Variants in HNF4G observed in about 807,000 individuals in gnomAD.
The protein encoded by HNF4G is hepatocyte nuclear factor 4-gamma.
Under a neutral mutation model 50.9 loss-of-function variants are expected in HNF4G, and 21 were observed. The ratio of observed to expected loss-of-function variants is 0.41; its 90% confidence interval spans 0.29 to 0.59. The LOEUF is 0.59. Among genes scored for constraint, HNF4G ranks in the 20% least tolerant of loss-of-function variants. HNF4G has a pLI of 0.26. For synonymous variants in HNF4G, 198 were observed against 185.6 expected, an observed-to-expected ratio of 1.07 and a Z score of -0.54; for missense variants, 527 against 559.4, an observed-to-expected ratio of 0.94 and a Z score of 0.58.
Position 75,438,536 on chromosome 8 carries a change from C to T in HNF4G, c.-144+30374C>T, listed in dbSNP as rs1028774466. On this transcript the variant is annotated intron_variant, in intron 1 of 10. Transcript: ENST00000354370. ...TCCTTTCTTTCCTCTCAATCTCCCTCCCTCTTTCTCTCTCTTCATCCCTCC... is the reference window on the plus strand; with the variant it reads ...TCCTTTCTTTCCTCTCAATCTCCCTTCCTCTTTCTCTCTCTTCATCCCTCC... Among the ~76,000 whole-genome samples, 21 of 152,124 alleles carry T rather than the reference C, an allele frequency of 1.4e-4. 1 individual carries two copies. Among genetic ancestry groups the T allele is most frequent in the African/African-American group, 4.6e-4 (19 of 41,540 alleles).
intron 1 of HNF4G, among the ~76,000 whole-genome samples, chr8:75,432,113 G>A (rs1010268718): frequency 6.6e-6 from 1 of 151,670 alleles, no homozygotes; most frequent in African/African-American, 2.4e-5. Context: ...AATTAGCCAG[G>A]CGTCATGATG....
intron 1 of HNF4G, among the ~76,000 whole-genome samples, chr8:75,433,019 G>A (rs955681321): frequency 2.0e-5 from 3 of 152,124 alleles, no homozygotes; most frequent in African/African-American, 7.2e-5. Flanking sequence ...TCGGATGTCT[G>A]TACTCCTGCT....
chr8:75,497,557 G>T (rs569755491), intron 2 of HNF4G, among the ~76,000 whole-genome samples: 1 of 151,806 alleles, frequency 6.6e-6, no homozygotes, highest in Non-Finnish European at 1.5e-5. Flanking sequence ...GGTGGCAGGC[G>T]CCTGTAATCC....
At position 75,539,914 on chromosome 8, in the gene HNF4G, T is replaced by G; in HGVS notation, c.-49T>G. ...AAAGCAAAACACATCAAAACACTCA[T>G]CACGCACTCTGGGCTTGTGGTGCCA... On this transcript the variant is annotated 5_prime_UTR_variant, in exon 1 of 10. Transcript: ENST00000396423. 1 of 838,286 alleles carries G rather than the reference T, an allele frequency of 1.2e-6. No homozygotes were observed. The highest frequency in any genetic ancestry group is 1.4e-5 in the South Asian group (1 of 72,028). 51.9% of individuals were successfully genotyped at this position (838,286 alleles called of 1,614,324 possible). A position where few individuals can be genotyped will look rare whatever the true frequency, so the allele number is the denominator to read the frequency against.
At chr8:75,425,959 T>C (rs1810882344) in intron 1 of HNF4G, among the ~76,000 whole-genome samples, 1 of 152,174 alleles carries the variant, frequency 6.6e-6, no homozygotes, top group Non-Finnish European at 1.5e-5. Flanking sequence ...CTAATATTAG[T>C]TTTTTAAGGT....
intron 1 of HNF4G, among the ~76,000 whole-genome samples, chr8:75,451,402 A>C (rs1193385323): frequency 2.0e-5 from 3 of 152,152 alleles, no homozygotes; most frequent in African/African-American, 7.2e-5. Flanking sequence ...TATCCAAAAA[A>C]AAAAATTATT....
At chr8:75,502,827 A>G (rs933455494) in intron 2 of HNF4G, among the ~76,000 whole-genome samples, 2 of 152,226 alleles carry the variant, frequency 1.3e-5, no homozygotes, top group Admixed American at 6.5e-5. Context: ...TTTGTAGGCT[A>G]TTCATGATAT....
intron 1 of HNF4G, among the ~76,000 whole-genome samples, chr8:75,441,153 G>A (rs979023856): frequency 6.6e-6 from 1 of 151,962 alleles, no homozygotes; most frequent in Non-Finnish European, 1.5e-5. Context: ...GTGTTTTTTA[G>A]AGTTTTTATT....
At chr8:75,428,842 G>C (rs1810942767) in intron 1 of HNF4G, among the ~76,000 whole-genome samples, 1 of 152,166 alleles carries the variant, frequency 6.6e-6, no homozygotes, top group East Asian at 1.9e-4. Context: ...TTTAAGCAGG[G>C]AGATGGGGTA....
chr8:75,526,055 C>G (rs79261207), intron 2 of HNF4G, among the ~76,000 whole-genome samples: 1 of 151,884 alleles, frequency 6.6e-6, no homozygotes, highest in East Asian at 1.9e-4. Flanking sequence ...TAAATAGAAC[C>G]GATCTTCATT....
upstream of HNF4G, chr8:75,407,855 G>C (rs965762292): frequency 6.6e-6 from 1 of 152,216 alleles, no homozygotes; most frequent in Non-Finnish European, 1.5e-5. Context: ...CCTGGGAAAA[G>C]TGCGGCGCGG....
rs999315546 is a variant in HNF4G, at chr8:75,565,870, G to C, written c.*1774G>C. On this transcript the variant is annotated 3_prime_UTR_variant, in exon 10 of 10. Transcript: ENST00000396423. Reference sequence around the variant, plus strand: ...TTTAATAAAATTCCTTCACGACCTGGTACCCTTGTGAAACTGTAAAATATA... The same window carrying C: ...TTTAATAAAATTCCTTCACGACCTGCTACCCTTGTGAAACTGTAAAATATA... 3 of 151,954 alleles carry C rather than the reference G, an allele frequency of 2.0e-5. No homozygotes were observed. Among genetic ancestry groups the C allele is most frequent in the Non-Finnish European group, 2.9e-5 (2 of 67,988 alleles). 9.4% of individuals were successfully genotyped at this position (151,954 alleles called of 1,614,324 possible).
upstream of HNF4G, among the ~76,000 whole-genome samples, chr8:75,537,402 C>T (rs1806493523): frequency 6.6e-6 from 1 of 152,004 alleles, no homozygotes; most frequent in Non-Finnish European, 1.5e-5. Context: ...TGCCACCACG[C>T]CTGTCTAGTT....
At chr8:75,527,611 C>T (rs974772443) in intron 2 of HNF4G, among the ~76,000 whole-genome samples, 2 of 152,094 alleles carry the variant, frequency 1.3e-5, no homozygotes, top group Middle Eastern at 3.2e-3. Context: ...TTACAGTCTC[C>T]AAGAATACAA....
rs1807216251 is a variant in HNF4G, at chr8:75,558,914, G to A, written c.1000G>A (p.Glu334Lys). The A allele has an allele frequency of 6.2e-7, 1 of 1,614,086 alleles. No homozygotes were observed. The highest frequency in any genetic ancestry group is 1.3e-5 in the African/African-American group (1 of 75,048). Residue 334 changes from glutamate to lysine, a missense_variant, in exon 8 of 10, where the codon GAG (glutamate) becomes AAG (lysine). Around this residue, in one of 5 missense-constraint regions of HNF4G, gnomAD observed 308 missense variants for 301.5 expected, o/e 1.02. Transcript: ENST00000396423. The part of the protein sequence containing the change: ...RQYDSRGRFG[E>K]LLLLLPTLQS... ...GTATGACTCCCGGGGGAGGTTTGGA[G>A]AGTTGCTTCTGCTCCTGCCCACACT...
At chr8:75,413,505 A>G (rs1585819915) in intron 1 of HNF4G, among the ~76,000 whole-genome samples, 1 of 152,242 alleles carries the variant, frequency 6.6e-6, no homozygotes, top group East Asian at 1.9e-4. Flanking sequence ...CTACATTTTT[A>G]TATTTCTCAG....
intron 2 of HNF4G, among the ~76,000 whole-genome samples, chr8:75,499,613 C>T (rs540321609): frequency 2.0e-5 from 3 of 151,746 alleles, no homozygotes; most frequent in African/African-American, 7.2e-5. Flanking sequence ...GCTGAATGAC[C>T]CACACTTTCC....
intron 1 of HNF4G, among the ~76,000 whole-genome samples, chr8:75,409,825 T>C (rs528848639): frequency 2.0e-5 from 3 of 152,082 alleles, no homozygotes; most frequent in African/African-American, 7.2e-5. Context: ...TTTCTATAAA[T>C]TCTGAAGGTA....
In HNF4G at chr8:75,426,950, C is replaced by T. The variant is rs558259514; in HGVS notation, c.-144+18788C>T. Among the ~76,000 whole-genome samples, 68 of 152,172 alleles carry T rather than the reference C, an allele frequency of 4.5e-4. 2 individuals carry two copies. The East Asian group carries it at 0.013, about 28-fold the overall frequency. On this transcript the variant is annotated intron_variant, in intron 1 of 10. Transcript: ENST00000354370. ...TAAATACAATGATTAATTTTTAATG[C>T]AAGGCAATAATCAGATTTAAACATT...
Sources: gnomAD v4.1 joint callset for allele counts (sites outside exome capture counted in the v4.1 genomes callset) on GRCh38, gnomAD v4.1.1 for gene constraint, gnomAD v4.1.1 regional missense constraint, MANE v1.5 for transcripts, NCBI Gene and HGNC (gene_info 2026-07-23, HGNC 2026-07-21) for gene names.